The following NEK10 variants were observed in gnomAD, a reference collection of about 807,000 sequenced individuals.
NEK10 encodes the protein NIMA related kinase 10, also known as serine/threonine-protein kinase Nek10.
A neutral mutation model predicts 159.8 loss-of-function variants in NEK10; 122 were observed. The observed-to-expected ratio is 0.76, with a 90% CI of 0.66 to 0.89. The LOEUF (loss-of-function observed/expected upper bound fraction) is 0.89. Ranked by LOEUF, NEK10 falls within the 40% of genes least tolerant of loss-of-function variation. The pLI, the probability that NEK10 is intolerant of heterozygous loss-of-function variation, is 0.00. For synonymous variants in NEK10, 466 were observed against 457.1 expected (o/e 1.02, Z -0.25); for missense variants, 1,342 against 1,323.1 (o/e 1.01, Z -0.22).
chr3:27,154,405 C>T (rs1397416667), intron 30 of NEK10, among the ~76,000 whole-genome samples: 1 of 152,124 alleles, frequency 6.6e-6, no homozygotes, highest in Admixed American at 6.5e-5. Flanking sequence ...TGACACTATT[C>T]CATAAGATAG....
chr3:27,347,740 A>G (rs913091180), intron 3 of NEK10, among the ~76,000 whole-genome samples: 23 of 152,158 alleles, frequency 1.5e-4, no homozygotes, highest in African/African-American at 4.8e-4. Flanking sequence ...CGGTCAGCCA[A>G]TCTACAACCA....
intron 19 of NEK10, among the ~76,000 whole-genome samples, chr3:27,287,946 T>A (rs943111515): frequency 6.6e-6 from 1 of 152,176 alleles, no homozygotes; most frequent in Non-Finnish European, 1.5e-5. Flanking sequence ...AAAATAGCAA[T>A]CCTCTATAGC....
At chr3:27,198,138 CAAATGGAA>C (rs1216225727) in intron 25 of NEK10, among the ~76,000 whole-genome samples, 1 of 152,040 alleles carries the variant, frequency 6.6e-6, no homozygotes, top group Non-Finnish European at 1.5e-5. Context: ...ATGACACAAA[CAAATGGAA>C]AAATACCCCA....
chr3:27,289,469 C>G (rs2042846199), intron 19 of NEK10, among the ~76,000 whole-genome samples: 1 of 152,182 alleles, frequency 6.6e-6, no homozygotes, highest in South Asian at 2.1e-4. Context: ...CATATGCTTC[C>G]TATCTGACCC....
chr3:27,312,730 ATAT>A (rs1413048835), intron 7 of NEK10, among the ~76,000 whole-genome samples: 4 of 152,314 alleles, frequency 2.6e-5, no homozygotes, highest in Admixed American at 6.5e-5. Flanking sequence ...GTAATTTCTA[ATAT>A]TATAATGGAA....
At chr3:27,288,579 T>C (rs370144306) in intron 19 of NEK10, among the ~76,000 whole-genome samples, 9 of 152,316 alleles carry the variant, frequency 5.9e-5, no homozygotes, top group Admixed American at 3.9e-4. Flanking sequence ...CTCTCCTCTA[T>C]TACAATAGTT....
chr3:27,134,858 G>A (rs1051954682), intron 31 of NEK10, among the ~76,000 whole-genome samples: 4 of 152,036 alleles, frequency 2.6e-5, no homozygotes, highest in African/African-American at 9.7e-5. Context: ...TATATTATAC[G>A]TAAGGACTAT....
At chr3:27,136,583 A>C (rs879937044) in intron 31 of NEK10, among the ~76,000 whole-genome samples, 133 of 152,200 alleles carry the variant, frequency 8.7e-4, no homozygotes, top group Non-Finnish European at 1.4e-3. Context: ...TATGTACTTT[A>C]GTCACCTTAT....
chr3:27,149,146 A>G (rs769132444), intron 30 of NEK10, among the ~76,000 whole-genome samples: 2 of 151,664 alleles, frequency 1.3e-5, no homozygotes, highest in Non-Finnish European at 2.9e-5. Flanking sequence ...AGTCTAATAC[A>G]AAAAAATCAG....
At chr3:27,331,916 T>TACTA (rs1331134236) in intron 5 of NEK10, among the ~76,000 whole-genome samples, 2 of 152,208 alleles carry the variant, frequency 1.3e-5, no homozygotes, top group East Asian at 3.8e-4. Context: ...ATAATAAGGA[T>TACTA]ACTAACTTAT....
rs1316939564 is a variant in NEK10 at position 27,215,134 on chromosome 3, C to T, written c.2091-12577G>A. 8.0e-6 allele frequency: 3 copies of T among 372,698 alleles called. 1 individual carries two copies. Among genetic ancestry groups the T allele is most frequent in the African/African-American group, 4.1e-5 (2 of 48,704 alleles). The allele number at this position is 372,698 out of a possible 1,614,324, so 23.1% of individuals were successfully genotyped here. The stretch of plus-strand genomic sequence containing the variant: ...TTACCCTTGAAAACTTCCATAGTTT[C>T]GGCTCTTAACACCATCAAAATTAGT... On this transcript the variant is annotated intron_variant, in intron 23 of 35. Transcript: ENST00000691995.
At chr3:27,132,066 A>G in intron 31 of NEK10, 76 bp from the exon 32 acceptor site, 1 of 749,022 alleles carries the variant, frequency 1.3e-6, no homozygotes, top group South Asian at 1.9e-5. Flanking sequence ...GCATTCGCTG[A>G]GGGCCCATGT....
intron 29 of NEK10, among the ~76,000 whole-genome samples, chr3:27,166,645 C>G (rs1224229373): frequency 1.3e-5 from 2 of 152,150 alleles, no homozygotes; most frequent in African/African-American, 4.8e-5. Flanking sequence ...TCACAAACAT[C>G]CACAATCATC....
At chr3:27,170,668 G>T (rs1245568204) in intron 29 of NEK10, among the ~76,000 whole-genome samples, 3 of 152,090 alleles carry the variant, frequency 2.0e-5, no homozygotes, top group Non-Finnish European at 4.4e-5. Flanking sequence ...GAAGGCAGAG[G>T]TTGCAGTGAT....
At chr3:27,254,853 C>T (rs765899560) in intron 23 of NEK10, among the ~76,000 whole-genome samples, 5 of 151,658 alleles carry the variant, frequency 3.3e-5, no homozygotes, top group Non-Finnish European at 5.9e-5. Flanking sequence ...TGCGCTAATA[C>T]GGCAAAAAAG....
In NEK10 at chr3:27,304,854, G is replaced by A. The variant is rs1227184923; in HGVS notation, c.921C>T (p.Leu307=). The A allele has an allele frequency of 6.2e-7, 1 of 1,613,578 alleles. No homozygotes were observed. Among genetic ancestry groups the A allele is most frequent in the African/African-American group, 1.3e-5 (1 of 74,900 alleles). ...CCAGAATCCAGACAATGCTCCAGAG[G>A]AGCTTCAAGTGGTCAGAGTGGAGCA... ...LSLLHSDHLK[L]LWSIVWILVQ... is the part of the protein sequence containing the mutation. Residue 307 remains leucine, a synonymous_variant, in exon 12 of 36, where the codon CTC becomes CTT. Transcript: ENST00000691995.
chr3:27,301,035 T>C (rs2043779352), intron 13 of NEK10, among the ~76,000 whole-genome samples: 1 of 152,230 alleles, frequency 6.6e-6, no homozygotes, highest in Admixed American at 6.5e-5. Flanking sequence ...TGCTGGCCCA[T>C]ACCACACCTC....
chr3:27,162,390 T>C, intron 30 of NEK10: 2 of 1,580,834 alleles, frequency 1.3e-6, no homozygotes, highest in East Asian at 2.3e-5. Context: ...CGTTCAGACA[T>C]CTCAGGCCCA....
At chr3:27,194,140 T>C (rs909898528) in intron 25 of NEK10, 1 of 151,510 alleles carries the variant, frequency 6.6e-6, no homozygotes, top group African/African-American at 2.4e-5. Flanking sequence ...TTTTTTTTTT[T>C]TTTGAGACGG....
Sources: allele counts gnomAD v4.1 joint callset (sites outside exome capture counted in the v4.1 genomes callset), GRCh38; gene constraint gnomAD v4.1.1; transcripts MANE v1.5; gene names NCBI Gene and HGNC (gene_info 2026-07-23, HGNC 2026-07-21).